The following GBF1 variants were observed in gnomAD, a reference collection of about 807,000 sequenced individuals.
The protein encoded by GBF1 is golgi brefeldin A resistant guanine nucleotide exchange factor 1.
Under a neutral mutation model 210.5 loss-of-function variants are expected in GBF1, and 114 were observed. The observed-to-expected ratio is 0.54, with a 90% CI of 0.47 to 0.63. The LOEUF (loss-of-function observed/expected upper bound fraction) is 0.63, where lower values mean the gene tolerates loss of function less well. Ranked by LOEUF, GBF1 falls within the 30% of genes least tolerant of loss-of-function variation. The probability of loss-of-function intolerance (pLI) is 0.00; values close to 1 mark genes in which losing one functional copy is unlikely to be tolerated. For synonymous variants in GBF1, 850 were observed against 889.2 expected (o/e 0.96, Z 0.78); for missense variants, 1,851 against 2,357.7 (o/e 0.79, Z 4.45).
intron 3 of GBF1, among the ~76,000 whole-genome samples, chr10:102,303,354 C>G (rs906508817): frequency 1.3e-5 from 2 of 152,134 alleles, no homozygotes; most frequent in South Asian, 4.1e-4. Flanking sequence ...ATCGAGTTGT[C>G]CCAGCAACAT....
intron 14 of GBF1, 29 bp from the exon 15 acceptor site, chr10:102,362,446 C>G (rs746219661): frequency 6.7e-7 from 1 of 1,490,628 alleles, no homozygotes; most frequent in Non-Finnish European, 9.3e-7. Flanking sequence ...CTCCTAACTA[C>G]AAGTCCAATT....
rs756137660 is a variant in GBF1 at position 102,369,363 on chromosome 10, A to G, written c.3126A>G (p.Gln1042=). The part of the protein sequence containing the change: ...MEAMLQLFRA[Q]LLPKAMIEVE... ...CCATGCTGCAGCTCTTCCGAGCCCAACTACTGCCCAAGGCTATGATAGAGG... is the reference window on the plus strand; with the variant it reads ...CCATGCTGCAGCTCTTCCGAGCCCAGCTACTGCCCAAGGCTATGATAGAGG... Residue 1042 remains glutamine, a synonymous_variant, in exon 24 of 40, where the codon CAA becomes CAG. Coordinates refer to ENST00000369983, the MANE Select transcript of GBF1 (RefSeq NM_001377137.1). 1.1e-5 allele frequency: 18 copies of G among 1,613,684 alleles called. No homozygotes were observed. The highest frequency in any genetic ancestry group is 1.5e-5 in the Non-Finnish European group (18 of 1,179,562).
In GBF1 at chr10:102,375,351, C is replaced by T. The variant is rs989328397; in HGVS notation, c.3661-8C>T. 1 of 1,565,414 alleles carries T rather than the reference C, an allele frequency of 6.4e-7. No homozygotes were observed. The highest frequency in any genetic ancestry group is 2.2e-5 in the East Asian group (1 of 44,654). On this transcript the variant is annotated splice_polypyrimidine_tract_variant and splice_region_variant and intron_variant, in intron 29 of 39. Coordinates refer to ENST00000369983, the MANE Select transcript of GBF1 (RefSeq NM_001377137.1). Reference sequence around the variant, plus strand: ...GCTTCCCCGCTCCCTGCCCTAACCCCACTCCAGGTGCTGCTCTCCCTGCGC... The same window carrying T: ...GCTTCCCCGCTCCCTGCCCTAACCCTACTCCAGGTGCTGCTCTCCCTGCGC...
At chr10:102,329,776 T>C (rs1197277033) in intron 3 of GBF1, among the ~76,000 whole-genome samples, 1 of 152,136 alleles carries the variant, frequency 6.6e-6, no homozygotes, top group African/African-American at 2.4e-5. Flanking sequence ...TTTTAAATTT[T>C]TGTCATCCAA....
intron 7 of GBF1, among the ~76,000 whole-genome samples, chr10:102,352,783 G>T (rs1378434314): frequency 6.6e-6 from 1 of 152,194 alleles, no homozygotes; most frequent in Non-Finnish European, 1.5e-5. Flanking sequence ...GTCTGTTTCT[G>T]TGCAGGTAGC....
At chr10:102,323,163 A>G (rs767970435) in intron 3 of GBF1, among the ~76,000 whole-genome samples, 7 of 122,604 alleles carry the variant, frequency 5.7e-5, no homozygotes, top group Non-Finnish European at 1.3e-4. Flanking sequence ...CTCAATCTCC[A>G]GGGCTTTTCC....
At chr10:102,359,868 A>G (rs751305565) in intron 11 of GBF1, among the ~76,000 whole-genome samples, 27 of 151,178 alleles carry the variant, frequency 1.8e-4, no homozygotes, top group Non-Finnish European at 2.7e-4. Context: ...GGTTCAAGCA[A>G]TCCTCCCACC....
chr10:102,339,266 G>T (rs1337641336), intron 3 of GBF1, among the ~76,000 whole-genome samples: 1 of 152,194 alleles, frequency 6.6e-6, no homozygotes, highest in Non-Finnish European at 1.5e-5. Context: ...AGGAGGCTGA[G>T]GCATGAGAAT....
chr10:102,381,300 G>A, intron 39 of GBF1, 45 bp downstream of exon 39: 1 of 1,604,000 alleles, frequency 6.2e-7, no homozygotes, highest in Non-Finnish European at 8.5e-7. Flanking sequence ...GTAGCAAGCA[G>A]GGGGCCTAAG....
chr10:102,260,473 C>CTTTTTTTTTTTTTTTTTTT (rs879575033), intron 3 of GBF1, among the ~76,000 whole-genome samples: 1 of 74,786 alleles, frequency 1.3e-5, no homozygotes, highest in Non-Finnish European at 2.3e-5. Context: ...ATTTTCCTTT[C>CTTTTTTTTTTTTTTTTTTT]TTCTTTTTTT....
At chr10:102,302,986 CTT>C (rs1210930617) in intron 3 of GBF1, among the ~76,000 whole-genome samples, 37 of 124,960 alleles carry the variant, frequency 3.0e-4, no homozygotes, top group Admixed American at 5.8e-4. Flanking sequence ...CCATTTTAAG[CTT>C]TTTTTTTTTT....
rs1288111859 is a variant in GBF1 at position 102,368,762 on chromosome 10, A to G, written c.2903A>G (p.His968Arg). 1 of 1,613,380 alleles carries G rather than the reference A, an allele frequency of 6.2e-7. No individual in the cohort carries two copies. Among genetic ancestry groups the G allele is most frequent in the South Asian group, 1.1e-5 (1 of 91,070 alleles). ...AGGAAGTGCGCCATGATCTCCGCCC[A>G]CTATGGCCTCAGCGATGTGTTTGAC... is the stretch of plus-strand genomic sequence containing the variant. ...GFRKCAMISA[H>R]YGLSDVFDNL... Residue 968 changes from histidine to arginine, a missense_variant, in exon 23 of 40, where the codon CAC (histidine) becomes CGC (arginine). Coordinates refer to ENST00000369983, the MANE Select transcript of GBF1 (RefSeq NM_001377137.1).
intron 4 of GBF1, among the ~76,000 whole-genome samples, chr10:102,345,807 C>T (rs187524196): frequency 7.9e-5 from 12 of 152,160 alleles, no homozygotes; most frequent in Admixed American, 5.2e-4. Flanking sequence ...ATTACACTCA[C>T]AATGTTGTGC....
At position 102,317,211 on chromosome 10, in the gene GBF1, C is replaced by T. The variant is rs185971837; in HGVS notation, c.164-26840C>T. On this transcript the variant is annotated intron_variant, in intron 3 of 39. Transcript: ENST00000369983. ...ACTCCAGAGGCTGAGATGGGAGAATCGCTTAGCCCAGAAGTCCAAGTCTAG... is the reference window on the plus strand; with the variant it reads ...ACTCCAGAGGCTGAGATGGGAGAATTGCTTAGCCCAGAAGTCCAAGTCTAG... Among the ~76,000 whole-genome samples the T allele has an allele frequency of 4.6e-3, 694 of 152,192 alleles. 14 individuals are homozygous for T. The highest frequency in any genetic ancestry group is 7.1e-3 in the South Asian group (34 of 4,822).
intron 3 of GBF1, among the ~76,000 whole-genome samples, chr10:102,326,981 C>T (rs2056950311): frequency 6.6e-6 from 1 of 152,152 alleles, no homozygotes; most frequent in African/African-American, 2.4e-5. Context: ...CCACCAGAGG[C>T]CCCCCTCCTT....
At chr10:102,289,339 C>A (rs183352087) in intron 3 of GBF1, among the ~76,000 whole-genome samples, 71 of 152,142 alleles carry the variant, frequency 4.7e-4, no homozygotes, top group Non-Finnish European at 7.9e-4. Flanking sequence ...TGAGAATATA[C>A]TTATTCAGCT....
At chr10:102,344,242 G>C in intron 4 of GBF1, 60 bp downstream of exon 4, 1 of 1,539,838 alleles carries the variant, frequency 6.5e-7, no homozygotes, top group Non-Finnish European at 8.9e-7. Context: ...TTCCTGGGGT[G>C]CCCAGGCCTT....
intron 3 of GBF1, among the ~76,000 whole-genome samples, chr10:102,273,396 A>G (rs1225260867): frequency 6.6e-6 from 1 of 152,364 alleles, no homozygotes; most frequent in African/African-American, 2.4e-5. Flanking sequence ...CTTAAGAAAG[A>G]TAAGTATTGT....
At chr10:102,337,428 C>A (rs1349801114) in intron 3 of GBF1, among the ~76,000 whole-genome samples, 7 of 151,424 alleles carry the variant, frequency 4.6e-5, no homozygotes, top group Non-Finnish European at 7.4e-5. Flanking sequence ...GAAAAAACTG[C>A]TCTTCATCAC....
Sources: gnomAD v4.1 joint callset for allele counts (sites outside exome capture counted in the v4.1 genomes callset) on GRCh38, gnomAD v4.1.1 for gene constraint, MANE v1.5 for transcripts, NCBI Gene and HGNC (gene_info 2026-07-23, HGNC 2026-07-21) for gene names.